MNAT1: variants seen among roughly 807,000 people sequenced by gnomAD.
MNAT1 encodes the protein MNAT1 component of CDK activating kinase.
Under a neutral mutation model 42.0 loss-of-function variants are expected in MNAT1, and 43 were observed. That is an observed-to-expected ratio of 1.02 (90% CI 0.80 to 1.32). MNAT1 has a LOEUF of 1.32. MNAT1 is among the 40% of genes most tolerant of loss of function. The pLI is 0.00. For synonymous variants in MNAT1, 118 were observed against 120.0 expected (o/e 0.98, Z 0.11); for missense variants, 306 against 350.4 (o/e 0.87, Z 1.01).
At chr14:60,953,140 A>G (rs926556350) in intron 7 of MNAT1, among the ~76,000 whole-genome samples, 1 of 152,184 alleles carries the variant, frequency 6.6e-6, no homozygotes, top group Non-Finnish European at 1.5e-5. Flanking sequence ...ATAATGTAGT[A>G]AATTCACTTC....
chr14:60,786,213 C>T (rs1208857327), intron 1 of MNAT1, among the ~76,000 whole-genome samples: 1 of 151,922 alleles, frequency 6.6e-6, no homozygotes, highest in Non-Finnish European at 1.5e-5. Flanking sequence ...CTTAGACAAA[C>T]ATGTAGCATT....
chr14:60,934,113 C>T (rs1168474244), intron 7 of MNAT1, among the ~76,000 whole-genome samples: 1 of 152,102 alleles, frequency 6.6e-6, no homozygotes, highest in Non-Finnish European at 1.5e-5. Context: ...AGTTCAAAGT[C>T]CAAGTTGTTG....
intron 7 of MNAT1, among the ~76,000 whole-genome samples, chr14:60,924,662 C>T (rs2035730054): frequency 6.6e-6 from 1 of 152,008 alleles, no homozygotes; most frequent in African/African-American, 2.4e-5. Flanking sequence ...AATACTAAAC[C>T]CATACAGAGA....
intron 7 of MNAT1, among the ~76,000 whole-genome samples, chr14:60,904,976 C>CTT (rs3081651): frequency 0.011 from 876 of 79,020 alleles, 49 homozygotes; most frequent in African/African-American, 0.035. Context: ...TCAGCAGTTC[C>CTT]TTTTTTTTTT....
chr14:60,942,688 TA>T (rs573875963), intron 7 of MNAT1, among the ~76,000 whole-genome samples: 19 of 152,042 alleles, frequency 1.2e-4, no homozygotes, highest in African/African-American at 3.4e-4. Context: ...TTTTTATGAA[TA>T]AAAAAATAGT....
chr14:60,952,802 G>A (rs559383219), intron 7 of MNAT1, among the ~76,000 whole-genome samples: 1 of 152,108 alleles, frequency 6.6e-6, no homozygotes, highest in Non-Finnish European at 1.5e-5. Context: ...TAGAACAGAA[G>A]CATTAAATGA....
chr14:60,967,998 T>C (rs754156489), intron 7 of MNAT1, among the ~76,000 whole-genome samples: 21 of 152,310 alleles, frequency 1.4e-4, no homozygotes, highest in Non-Finnish European at 2.2e-4. Flanking sequence ...TTCAGAACTG[T>C]TTTTAGACCC....
intron 6 of MNAT1, among the ~76,000 whole-genome samples, chr14:60,870,821 G>C (rs1321098259): frequency 6.6e-6 from 1 of 151,996 alleles, no homozygotes; most frequent in African/African-American, 2.4e-5. Flanking sequence ...ACAGAATTTT[G>C]TAACCATTTC....
At chr14:60,947,573 C>T (rs1356343906) in intron 7 of MNAT1, among the ~76,000 whole-genome samples, 1 of 152,134 alleles carries the variant, frequency 6.6e-6, no homozygotes, top group Non-Finnish European at 1.5e-5. Context: ...ATCCTGGCTA[C>T]TCTGGAGACT....
chr14:60,912,585 T>C (rs2035397275), intron 7 of MNAT1, among the ~76,000 whole-genome samples: 1 of 152,336 alleles, frequency 6.6e-6, no homozygotes, highest in South Asian at 2.1e-4. Context: ...TTATGAAGCT[T>C]AGTTTGGCTG....
At chr14:60,777,864 G>T (rs2031308052) in intron 1 of MNAT1, among the ~76,000 whole-genome samples, 1 of 152,154 alleles carries the variant, frequency 6.6e-6, no homozygotes, top group African/African-American at 2.4e-5. Context: ...TGAGAACAAA[G>T]TAGACCATAA....
rs1407705470 is a variant in MNAT1, at chr14:60,740,980, T to G, written c.89+6029T>G. ...TGAATTACTCCACTATGATTATAGATTTGTCAGTTTTTCTTGTAAGTTTTG... is the reference window on the plus strand; with the variant it reads ...TGAATTACTCCACTATGATTATAGAGTTGTCAGTTTTTCTTGTAAGTTTTG... On this transcript the variant is annotated intron_variant, in intron 1 of 7. Coordinates refer to ENST00000261245, the MANE Select transcript of MNAT1 (RefSeq NM_002431.4). The surrounding 1 kb of genome is among the most constrained non-coding windows in gnomAD (Gnocchi z 4.1). Among the ~76,000 whole-genome samples, 1 of 152,212 alleles carries G rather than the reference T, an allele frequency of 6.6e-6. No homozygotes were observed. Among genetic ancestry groups the G allele is most frequent in the African/African-American group, 2.4e-5 (1 of 41,466 alleles).
intron 5 of MNAT1, among the ~76,000 whole-genome samples, chr14:60,815,134 T>C (rs1473736609): frequency 6.6e-6 from 1 of 152,176 alleles, no homozygotes; most frequent in African/African-American, 2.4e-5. Context: ...TTTTAACATT[T>C]TATGTTCCAT....
intron 7 of MNAT1, among the ~76,000 whole-genome samples, chr14:60,894,868 A>G (rs968403933): frequency 4.6e-5 from 7 of 152,230 alleles, no homozygotes; most frequent in African/African-American, 1.4e-4. Flanking sequence ...ATAAACATGT[A>G]TACACTTCAA....
At chr14:60,890,588 G>A (rs745834502) in intron 7 of MNAT1, among the ~76,000 whole-genome samples, 1 of 152,172 alleles carries the variant, frequency 6.6e-6, no homozygotes, top group Non-Finnish European at 1.5e-5. Flanking sequence ...TAGGGAAGCC[G>A]ACAGAGCAGC....
chr14:60,775,320 G>T (rs901847439), intron 1 of MNAT1, among the ~76,000 whole-genome samples: 2 of 152,118 alleles, frequency 1.3e-5, no homozygotes, highest in African/African-American at 4.8e-5. Context: ...GAGGATATTG[G>T]TAAAATTCAT....
intron 7 of MNAT1, among the ~76,000 whole-genome samples, chr14:60,918,198 C>CTT (rs386381525): frequency 0.073 from 3,550 of 48,596 alleles, 1,548 homozygotes; most frequent in Admixed American, 0.1. Flanking sequence ...ATTAATTGTT[C>CTT]TTTTTTTTTT....
At chr14:60,783,906 T>G (rs1025818129) in intron 1 of MNAT1, among the ~76,000 whole-genome samples, 2 of 152,146 alleles carry the variant, frequency 1.3e-5, no homozygotes, top group Non-Finnish European at 2.9e-5. Context: ...CACAGCTAAC[T>G]GTATCTCCAA....
At chr14:60,910,861 C>T (rs2035337432) in intron 7 of MNAT1, among the ~76,000 whole-genome samples, 1 of 152,196 alleles carries the variant, frequency 6.6e-6, no homozygotes, top group Non-Finnish European at 1.5e-5. Flanking sequence ...GGAGGATTCC[C>T]TCTTTTTCTA....
Sources: gnomAD v4.1 joint callset for allele counts (sites outside exome capture counted in the v4.1 genomes callset) on GRCh38, gnomAD v4.1.1 for gene constraint, Gnocchi (gnomAD v3.1) non-coding constraint, MANE v1.5 for transcripts, NCBI Gene and HGNC (gene_info 2026-07-23, HGNC 2026-07-21) for gene names.